Variants in MEF2A observed in about 807,000 individuals in gnomAD.
MEF2A encodes myocyte-specific enhancer factor 2A.
A neutral mutation model predicts 55.8 loss-of-function variants in MEF2A; 28 were observed. That is an observed-to-expected ratio of 0.50 (90% CI 0.37 to 0.69). The LOEUF (loss-of-function observed/expected upper bound fraction) is 0.69, where lower values mean the gene tolerates loss of function less well. Among genes scored for constraint, MEF2A ranks in the 30% least tolerant of loss-of-function variants. MEF2A has a pLI of 0.00. For missense variants in MEF2A, 528 were observed against 626.2 expected (o/e 0.84, Z 1.67); for synonymous variants, 239 against 227.1 (o/e 1.05, Z -0.47).
intron 3 of MEF2A, among the ~76,000 whole-genome samples, chr15:99,636,101 A>T (rs528812832): frequency 3.3e-5 from 5 of 152,250 alleles, no homozygotes; most frequent in African/African-American, 1.2e-4. Flanking sequence ...TGGTAGGTGA[A>T]CAATAGTAAT....
In MEF2A at chr15:99,712,032, A is replaced by G. The variant is rs771883729; in HGVS notation, c.1137-358A>G. Among the ~76,000 whole-genome samples, 46 of 152,224 alleles carry G rather than the reference A, an allele frequency of 3.0e-4. No individual in the cohort carries two copies. Among genetic ancestry groups the G allele is most frequent in the Non-Finnish European group, 5.0e-4 (34 of 68,046 alleles). ...CAGGGCCAGAGCAGATGGGGAGCAG[A>G]TGCTGAGGAAGAAGAGGCGGTGAGC... On this transcript the variant is annotated intron_variant, in intron 11 of 11. Transcript: ENST00000557942. The surrounding 1 kb of genome is among the most constrained non-coding windows in gnomAD (Gnocchi z 4.1).
intron 8 of MEF2A, 118 bp downstream of exon 8, chr15:99,690,546 A>G: frequency 2.3e-6 from 2 of 876,094 alleles, no homozygotes; most frequent in South Asian, 2.9e-5. Context: ...TTCCTAATAA[A>G]TATTTCCATT....
At chr15:99,573,038 C>T (rs1347590960) in intron 1 of MEF2A, among the ~76,000 whole-genome samples, 1 of 152,182 alleles carries the variant, frequency 6.6e-6, no homozygotes, top group Non-Finnish European at 1.5e-5. Context: ...CCTGTAATCC[C>T]AGCACTTTGG....
chr15:99,593,519 G>A (rs1254349289), intron 1 of MEF2A, among the ~76,000 whole-genome samples: 1 of 152,056 alleles, frequency 6.6e-6, no homozygotes, highest in Non-Finnish European at 1.5e-5. Flanking sequence ...CCCTTATTTG[G>A]AATTAAAAAT....
intron 4 of MEF2A, among the ~76,000 whole-genome samples, chr15:99,652,213 G>A (rs1031306234): frequency 6.6e-6 from 1 of 152,138 alleles, no homozygotes; most frequent in East Asian, 1.9e-4. Flanking sequence ...GAGGAATGTG[G>A]ACAGGGAGAT....
At chr15:99,696,443 C>G (rs2056496909) in intron 8 of MEF2A, among the ~76,000 whole-genome samples, 1 of 151,958 alleles carries the variant, frequency 6.6e-6, no homozygotes, top group Admixed American at 6.6e-5. Context: ...AAATCAGTAA[C>G]AGAAAGGTAG....
At chr15:99,646,105 TA>T (rs1185564304) in intron 4 of MEF2A, among the ~76,000 whole-genome samples, 1 of 146,012 alleles carries the variant, frequency 6.8e-6, no homozygotes, top group South Asian at 2.1e-4. Context: ...TGGTATGTCT[TA>T]ATCATTTCAT....
At chr15:99,703,456 A>G in intron 9 of MEF2A, 71 bp downstream of exon 9, 1 of 1,482,176 alleles carries the variant, frequency 6.7e-7, no homozygotes, top group South Asian at 1.3e-5. Context: ...ACGTGTTGTT[A>G]TCTAACCAAT....
intron 4 of MEF2A, among the ~76,000 whole-genome samples, chr15:99,663,680 C>T (rs1332982700): frequency 6.6e-6 from 1 of 152,006 alleles, no homozygotes. Flanking sequence ...AAAAGAAACG[C>T]ATTTTAAATG....
chr15:99,641,494 C>T (rs1004709799), intron 3 of MEF2A, among the ~76,000 whole-genome samples: 9 of 152,214 alleles, frequency 5.9e-5, no homozygotes, highest in Non-Finnish European at 8.8e-5. Flanking sequence ...GAGGCCGAGG[C>T]GGGCGGATCA....
intron 10 of MEF2A, 100 bp downstream of exon 10, chr15:99,706,955 C>G: frequency 7.4e-7 from 1 of 1,354,136 alleles, no homozygotes. Context: ...TTGAAATAAA[C>G]TATTTCCAGT....
intron 1 of MEF2A, among the ~76,000 whole-genome samples, chr15:99,594,565 C>G (rs557945834): frequency 2.6e-5 from 4 of 151,796 alleles, no homozygotes; most frequent in African/African-American, 9.7e-5. Context: ...TCTCCCCTCC[C>G]CAGAGGTTGG....
intron 7 of MEF2A, among the ~76,000 whole-genome samples, chr15:99,684,272 C>T (rs1041918672): frequency 6.6e-6 from 1 of 152,162 alleles, no homozygotes. Flanking sequence ...ACTTTTAGTT[C>T]TTTAAGCAAT....
chr15:99,576,754 C>A, intron 1 of MEF2A, among the ~76,000 whole-genome samples: 1 of 151,862 alleles, frequency 6.6e-6, no homozygotes, highest in East Asian at 1.9e-4. Context: ...CATTCTCCTG[C>A]CTCAGCCTCC....
At chr15:99,645,862 A>ATGTT in intron 4 of MEF2A, 98 bp downstream of exon 4, 5 of 832,440 alleles carry the variant, frequency 6.0e-6, no homozygotes, top group Non-Finnish European at 9.3e-6. Context: ...TAAAACATAA[A>ATGTT]TTAGGTGTAT....
In MEF2A at chr15:99,633,112, G is replaced by C; in HGVS notation, c.-8G>C. On this transcript the variant is annotated 5_prime_UTR_variant, in exon 3 of 12. Transcript: ENST00000557942. Reference sequence around the variant, plus strand: ...GGAATATAAGGAAATAAGGAAAGTTGACTGAAAATGGGGCGGAAGAAAATA... The same window carrying C: ...GGAATATAAGGAAATAAGGAAAGTTCACTGAAAATGGGGCGGAAGAAAATA... 1.2e-6 allele frequency: 2 copies of C among 1,600,180 alleles called. No homozygotes were observed. Among genetic ancestry groups the C allele is most frequent in the Non-Finnish European group, 1.7e-6 (2 of 1,173,230 alleles).
chr15:99,695,396 T>C lies in MEF2A; in HGVS notation c.858+4968T>C, dbSNP rs944745415. Among the ~76,000 whole-genome samples, 5 of 151,802 alleles carry C rather than the reference T, an allele frequency of 3.3e-5. 1 individual carries two copies. The highest frequency in any genetic ancestry group is 1.3e-4 in the Admixed American group (2 of 15,258). ...AAATAAGTCAGTAGAAGAGATAAAA[T>C]AGAAATATAAAAAATGCTCTACTAA... is the stretch of plus-strand genomic sequence containing the variant. On this transcript the variant is annotated intron_variant, in intron 8 of 11. Coordinates refer to ENST00000557942, the MANE Select transcript of MEF2A (RefSeq NM_001319206.4).
At chr15:99,682,011 A>T (rs995961208) in intron 7 of MEF2A, 2 of 152,232 alleles carry the variant, frequency 1.3e-5, no homozygotes, top group South Asian at 4.1e-4. Flanking sequence ...TTTGCCAAAT[A>T]TGATTGAACT....
chr15:99,693,423 G>GCA (rs140629596), intron 8 of MEF2A, among the ~76,000 whole-genome samples: 11 of 150,694 alleles, frequency 7.3e-5, no homozygotes, highest in East Asian at 1.9e-4. Flanking sequence ...ATGCACGCAT[G>GCA]CACACACACA....
Sources: gnomAD v4.1 joint callset for allele counts (sites outside exome capture counted in the v4.1 genomes callset) on GRCh38, gnomAD v4.1.1 for gene constraint, Gnocchi (gnomAD v3.1) non-coding constraint, MANE v1.5 for transcripts, NCBI Gene and HGNC (gene_info 2026-07-23, HGNC 2026-07-21) for gene names.